Variants in ASCC3 observed in about 807,000 individuals in gnomAD.
ASCC3 encodes activating signal cointegrator 1 complex subunit 3.
ASCC3 carries 158 observed loss-of-function variants against 256.3 expected under a neutral mutation model. The observed-to-expected ratio is 0.62, with a 90% CI of 0.54 to 0.70. The LOEUF is 0.70. Among genes scored for constraint, ASCC3 ranks in the 30% least tolerant of loss-of-function variants. ASCC3 has a pLI of 0.00. For synonymous variants in ASCC3, 948 were observed against 883.4 expected (o/e 1.07, Z -1.30); for missense variants, 2,259 against 2,626.0 (o/e 0.86, Z 3.05).
Position 100,608,178 on chromosome 6 carries a change from ATGTGTGTG to A in ASCC3, c.4786-1098_4786-1091del, listed in dbSNP as rs1343872803. Among the ~76,000 whole-genome samples the A allele has an allele frequency of 1.4e-4, 17 of 118,120 alleles. 1 individual carries two copies. Among genetic ancestry groups the A allele is most frequent in the African/African-American group, 3.6e-4 (11 of 30,266 alleles). 77.5% of individuals were successfully genotyped at this position (118,120 alleles called of 152,430 possible). On this transcript the variant is annotated intron_variant, in intron 30 of 41. Transcript: ENST00000369162. ...TACATATTTATATACATATTTATATATGTGTGTGTATATATATACTTTATATATATACT... is the reference window on the plus strand; with the variant it reads ...TACATATTTATATACATATTTATATATATATATATACTTTATATATATACT...
intron 37 of ASCC3, among the ~76,000 whole-genome samples, chr6:100,520,882 G>GTAT (rs1774268981): frequency 6.6e-6 from 1 of 152,136 alleles, no homozygotes; most frequent in Non-Finnish European, 1.5e-5. Context: ...ATGCATGACA[G>GTAT]TATTTTTCCT....
intron 10 of ASCC3, among the ~76,000 whole-genome samples, chr6:100,745,739 A>G (rs1401860900): frequency 6.6e-6 from 1 of 152,130 alleles, no homozygotes; most frequent in Non-Finnish European, 1.5e-5. Context: ...ATAATTTTTA[A>G]TTTTATTTAA....
chr6:100,866,965 T>A (rs1482720435), intron 2 of ASCC3, among the ~76,000 whole-genome samples: 1 of 152,256 alleles, frequency 6.6e-6, no homozygotes, highest in Non-Finnish European at 1.5e-5. Context: ...TCATATGCTT[T>A]TAATTTTTCC....
At chr6:100,718,426 A>G (rs1779181797) in intron 11 of ASCC3, among the ~76,000 whole-genome samples, 175 bp from the exon 12 acceptor site, 1 of 152,080 alleles carries the variant, frequency 6.6e-6, no homozygotes, top group Admixed American at 6.6e-5. Context: ...GCTTGATTTA[A>G]CAGATACATA....
chr6:100,593,178 A>T (rs1356304823), intron 34 of ASCC3, among the ~76,000 whole-genome samples: 1 of 152,114 alleles, frequency 6.6e-6, no homozygotes, highest in Non-Finnish European at 1.5e-5. Flanking sequence ...GTACTGAGAA[A>T]GCCAGCGGGA....
intron 36 of ASCC3, among the ~76,000 whole-genome samples, chr6:100,556,762 C>T (rs1478389225): frequency 6.6e-6 from 1 of 151,996 alleles, no homozygotes; most frequent in Non-Finnish European, 1.5e-5. Flanking sequence ...TGGAAGATCA[C>T]TCAGGAGACT....
chr6:100,539,708 A>T (rs1469348711), intron 37 of ASCC3, among the ~76,000 whole-genome samples: 1 of 152,134 alleles, frequency 6.6e-6, no homozygotes, highest in Non-Finnish European at 1.5e-5. Flanking sequence ...CCTGAATACC[A>T]TATTAAAAAA....
At chr6:100,832,106 A>T (rs1235853079) in intron 4 of ASCC3, among the ~76,000 whole-genome samples, 1 of 152,152 alleles carries the variant, frequency 6.6e-6, no homozygotes, top group African/African-American at 2.4e-5. Context: ...GATTTTTGAA[A>T]GACGAAGACT....
At chr6:100,742,864 G>A (rs532607940) in intron 10 of ASCC3, among the ~76,000 whole-genome samples, 28 of 152,344 alleles carry the variant, frequency 1.8e-4, no homozygotes, top group Admixed American at 1.6e-3. Context: ...ATCTTATCTT[G>A]TCAGGTGTGG....
intron 36 of ASCC3, among the ~76,000 whole-genome samples, chr6:100,572,027 T>C (rs912637039): frequency 3.9e-5 from 6 of 152,210 alleles, no homozygotes; most frequent in African/African-American, 1.4e-4. Context: ...ACATGGACTA[T>C]TGACTCTTAT....
intron 8 of ASCC3, among the ~76,000 whole-genome samples, chr6:100,792,993 A>AC (rs563851870): frequency 2.6e-4 from 39 of 151,974 alleles, no homozygotes; most frequent in Non-Finnish European, 3.4e-4. Flanking sequence ...TTTTATGTTC[A>AC]TTTATGCTAT....
intron 25 of ASCC3, among the ~76,000 whole-genome samples, chr6:100,634,066 G>A (rs1029449783): frequency 1.2e-4 from 19 of 152,140 alleles, no homozygotes; most frequent in African/African-American, 4.3e-4. Flanking sequence ...TATTTATAAA[G>A]AACATAGTAT....
intron 10 of ASCC3, among the ~76,000 whole-genome samples, chr6:100,726,773 G>A (rs1207127035): frequency 6.6e-6 from 1 of 151,972 alleles, no homozygotes; most frequent in African/African-American, 2.4e-5. Context: ...TAATGATTTG[G>A]AACTCATGCA....
chr6:100,766,344 G>T (rs1473143237), intron 10 of ASCC3, among the ~76,000 whole-genome samples: 1 of 152,086 alleles, frequency 6.6e-6, no homozygotes, highest in Non-Finnish European at 1.5e-5. Flanking sequence ...AACCATATTT[G>T]AGATGCAGTA....
intron 24 of ASCC3, among the ~76,000 whole-genome samples, chr6:100,639,382 G>A (rs1201013575): frequency 6.6e-6 from 1 of 152,116 alleles, no homozygotes; most frequent in Non-Finnish European, 1.5e-5. Flanking sequence ...AAAGAAACTA[G>A]ATTTAGTTGT....
At chr6:100,584,280 G>A (rs569492010) in intron 36 of ASCC3, among the ~76,000 whole-genome samples, 2 of 151,258 alleles carry the variant, frequency 1.3e-5, no homozygotes, top group Non-Finnish European at 2.9e-5. Flanking sequence ...CCTGTATTGG[G>A]TGCATATATA....
chr6:100,652,914 T>C (rs774769005), intron 17 of ASCC3, 25 bp from the exon 18 acceptor site: 1 of 1,603,564 alleles, frequency 6.2e-7, no homozygotes, highest in Non-Finnish European at 8.5e-7. Flanking sequence ...ATATAAACAG[T>C]TGAATAGTGC....
At position 100,516,084 on chromosome 6, in the gene ASCC3, G is replaced by C. The variant is rs1237436785; in HGVS notation, c.6075+96C>G. The C allele has an allele frequency of 2.7e-5, 39 of 1,451,708 alleles. No individual in the cohort carries two copies. In the East Asian group the frequency reaches 8.8e-4, roughly 33 times the overall value. 89.9% of individuals were successfully genotyped at this position (1,451,708 alleles called of 1,614,324 possible). ...TGGCAGAGACAATTTAACTCAAGGT[G>C]AGCCTGGTTCCAAAATCCATGCTCT... is the stretch of plus-strand genomic sequence containing the variant. On this transcript the variant is annotated intron_variant, in intron 39 of 41. Coordinates refer to ENST00000369162, the MANE Select transcript of ASCC3 (RefSeq NM_006828.4).
chr6:100,818,085 T>C (rs1040249726), intron 4 of ASCC3, among the ~76,000 whole-genome samples: 3 of 152,172 alleles, frequency 2.0e-5, no homozygotes, highest in Admixed American at 6.5e-5. Context: ...GATACAAGGT[T>C]GGTTCGGCAT....
Sources: allele counts gnomAD v4.1 joint callset (sites outside exome capture counted in the v4.1 genomes callset), GRCh38; gene constraint gnomAD v4.1.1; transcripts MANE v1.5; gene names NCBI Gene and HGNC (gene_info 2026-07-23, HGNC 2026-07-21).